Variants in SNTG1 observed in about 807,000 individuals in gnomAD.
SNTG1 encodes syntrophin gamma 1.
Under a neutral mutation model 74.7 loss-of-function variants are expected in SNTG1, and 39 were observed. The ratio of observed to expected loss-of-function variants is 0.52; its 90% CI spans 0.40 to 0.68. The LOEUF is 0.68. Ranked by LOEUF, SNTG1 falls within the 30% of genes least tolerant of loss-of-function variation. The pLI is 0.00. For missense variants in SNTG1, 685 were observed against 609.5 expected (o/e 1.12, Z -1.30); for synonymous variants, 254 against 217.1 (o/e 1.17, Z -1.49).
chr8:50,146,889 G>A (rs928018801), intron 1 of SNTG1, among the ~76,000 whole-genome samples: 1 of 151,380 alleles, frequency 6.6e-6, no homozygotes, highest in African/African-American at 2.4e-5. Context: ...TGAGTTTTAA[G>A]ATTTTTTTAT....
chr8:50,025,110 A>G (rs1164758872), intron 1 of SNTG1, among the ~76,000 whole-genome samples: 1 of 152,152 alleles, frequency 6.6e-6, no homozygotes, highest in Non-Finnish European at 1.5e-5. Context: ...ATTCTTGCTA[A>G]TATTTCTTCA....
At chr8:50,431,974 C>T (rs2093241976) in intron 4 of SNTG1, among the ~76,000 whole-genome samples, 2 of 152,136 alleles carry the variant, frequency 1.3e-5, no homozygotes, top group Non-Finnish European at 2.9e-5. Flanking sequence ...TAGTCCATAG[C>T]TTGTCTTTTT....
At chr8:50,031,133 T>A (rs1177579100) in intron 1 of SNTG1, among the ~76,000 whole-genome samples, 1 of 152,034 alleles carries the variant, frequency 6.6e-6, no homozygotes, top group African/African-American at 2.4e-5. Flanking sequence ...TTCTTACTAA[T>A]ACATATAAAT....
At chr8:50,575,336 T>C (rs2094570873) in intron 12 of SNTG1, among the ~76,000 whole-genome samples, 1 of 152,200 alleles carries the variant, frequency 6.6e-6, no homozygotes, top group African/African-American at 2.4e-5. Context: ...ATTTGATTAG[T>C]CCATTGCAAG....
intron 9 of SNTG1, among the ~76,000 whole-genome samples, chr8:50,504,092 T>G (rs2093986548): frequency 6.6e-6 from 1 of 152,200 alleles, no homozygotes; most frequent in Non-Finnish European, 1.5e-5. Flanking sequence ...ATGTGAAGTA[T>G]TTGGTTTTCT....
chr8:50,316,340 A>C (rs1046073124), intron 2 of SNTG1, among the ~76,000 whole-genome samples: 3 of 152,156 alleles, frequency 2.0e-5, no homozygotes, highest in African/African-American at 7.2e-5. Flanking sequence ...TGTGACCACA[A>C]TCATGTCTAC....
At chr8:50,209,293 G>A (rs2084396102) in intron 2 of SNTG1, among the ~76,000 whole-genome samples, 1 of 152,202 alleles carries the variant, frequency 6.6e-6, no homozygotes, top group Admixed American at 6.5e-5. Flanking sequence ...CCACCTCTGG[G>A]GGCAGGGCAT....
intron 15 of SNTG1, among the ~76,000 whole-genome samples, chr8:50,687,134 T>A (rs1585529547): frequency 8.0e-6 from 1 of 124,858 alleles, no homozygotes. Context: ...AGAGCGAGAC[T>A]CCGTCTCAAA....
chr8:50,045,212 G>T (rs564890188), intron 1 of SNTG1, among the ~76,000 whole-genome samples: 2 of 152,254 alleles, frequency 1.3e-5, no homozygotes, highest in East Asian at 3.9e-4. Context: ...AATACTTGTG[G>T]CTGGGTAATA....
In SNTG1 at chr8:50,066,334, C is replaced by T. The variant is rs930417295; in HGVS notation, c.-102-106227C>T. Among the ~76,000 whole-genome samples the T allele has an allele frequency of 2.4e-4, 36 of 152,028 alleles. 1 individual carries two copies. Among genetic ancestry groups the T allele is most frequent in the Non-Finnish European group, 5.0e-4 (34 of 68,012 alleles). ...AAAAATTATATACATTTAAGATGTA[C>T]TGTGTGGTATTTTGATATATATATA... On this transcript the variant is annotated intron_variant, in intron 1 of 18. Coordinates refer to ENST00000642720, the MANE Select transcript of SNTG1 (RefSeq NM_018967.5).
At chr8:50,022,956 A>G in intron 1 of SNTG1, among the ~76,000 whole-genome samples, 1 of 152,204 alleles carries the variant, frequency 6.6e-6, no homozygotes, top group Non-Finnish European at 1.5e-5. Context: ...GAGTTATTTC[A>G]GTGGCAAACA....
At chr8:50,101,797 G>A (rs1046735392) in intron 1 of SNTG1, among the ~76,000 whole-genome samples, 28 of 151,828 alleles carry the variant, frequency 1.8e-4, no homozygotes, top group Non-Finnish European at 3.7e-4. Flanking sequence ...CTATGAGTGA[G>A]AACATGCGGT....
intron 9 of SNTG1, among the ~76,000 whole-genome samples, chr8:50,518,755 G>A (rs759027489): frequency 6.6e-6 from 1 of 152,142 alleles, no homozygotes; most frequent in Non-Finnish European, 1.5e-5. Flanking sequence ...ACTAAATCAG[G>A]AGGATGTCGA....
intron 9 of SNTG1, among the ~76,000 whole-genome samples, chr8:50,517,052 C>T (rs1315559097): frequency 2.6e-5 from 4 of 152,118 alleles, no homozygotes; most frequent in Non-Finnish European, 5.9e-5. Context: ...AGAGAAAGGT[C>T]GTGTTACCAA....
At chr8:50,721,373 C>A (rs1364863720) in intron 17 of SNTG1, among the ~76,000 whole-genome samples, 1 of 152,098 alleles carries the variant, frequency 6.6e-6, no homozygotes, top group Non-Finnish European at 1.5e-5. Context: ...AAGCTTTGAG[C>A]CAATTTTACA....
At chr8:50,438,519 ATTC>A (rs2093327740) in intron 4 of SNTG1, 21 bp from the exon 5 acceptor site, 2 of 1,608,344 alleles carry the variant, frequency 1.2e-6, no homozygotes, top group African/African-American at 1.3e-5. Context: ...AACACTAACC[ATTC>A]TTAAAAATCC....
At chr8:50,005,153 A>G (rs1299879397) in intron 1 of SNTG1, among the ~76,000 whole-genome samples, 1 of 152,262 alleles carries the variant, frequency 6.6e-6, no homozygotes, top group East Asian at 1.9e-4. Context: ...GATACTGTAA[A>G]TGATAATTTA....
chr8:50,689,803 G>A (rs924382979), intron 15 of SNTG1, among the ~76,000 whole-genome samples: 30 of 152,216 alleles, frequency 2.0e-4, no homozygotes, highest in South Asian at 8.3e-4. Flanking sequence ...CTATTGATTC[G>A]GATAGTTTCA....
rs2086282664 is a variant in SNTG1, at chr8:50,244,054, C to T, written c.-28+71419C>T. Among the ~76,000 whole-genome samples the T allele has an allele frequency of 3.9e-5, 6 of 152,178 alleles. No individual in the cohort carries two copies. The South Asian group carries it at 1.2e-3, about 32-fold the overall frequency. Reference sequence around the variant, plus strand: ...TTCTTCAGGCTATATGAGCATGTTGCTGGCATCTGCTTGGCTTCTGGGGAG... The same window carrying T: ...TTCTTCAGGCTATATGAGCATGTTGTTGGCATCTGCTTGGCTTCTGGGGAG... On this transcript the variant is annotated intron_variant, in intron 2 of 18. Coordinates refer to ENST00000642720, the MANE Select transcript of SNTG1 (RefSeq NM_018967.5).
Sources: gnomAD v4.1 joint callset for allele counts (sites outside exome capture counted in the v4.1 genomes callset) on GRCh38, gnomAD v4.1.1 for gene constraint, MANE v1.5 for transcripts, NCBI Gene and HGNC (gene_info 2026-07-23, HGNC 2026-07-21) for gene names.